Variants in ANKS1B observed in about 807,000 individuals in gnomAD.
The protein encoded by ANKS1B is ankyrin repeat and sterile alpha motif domain containing 1B, also known as ankyrin repeat and sterile alpha motif domain-containing protein 1B.
ANKS1B carries 36 observed loss-of-function variants against 148.3 expected under a neutral mutation model. The observed-to-expected ratio is 0.24, with a 90% CI of 0.19 to 0.32. ANKS1B has a LOEUF of 0.32. ANKS1B is among the 10% of genes least tolerant of loss of function. ANKS1B has a pLI of 1.00. For synonymous variants in ANKS1B, 542 were observed against 560.8 expected (o/e 0.97, Z 0.47); for missense variants, 1,157 against 1,542.6 (o/e 0.75, Z 4.19).
chr12:98,933,499 G>A (rs910965718), intron 17 of ANKS1B, among the ~76,000 whole-genome samples: 1 of 151,954 alleles, frequency 6.6e-6, no homozygotes, highest in South Asian at 2.1e-4. Flanking sequence ...TTCAATTTTG[G>A]TGGGGGATAC....
At chr12:98,886,946 C>T (rs111968964) in intron 17 of ANKS1B, among the ~76,000 whole-genome samples, 1,915 of 151,784 alleles carry the variant, frequency 0.013, 13 homozygotes, top group African/African-American at 0.024. Flanking sequence ...GGGTCTTTCT[C>T]GAAAAAAAGA....
intron 9 of ANKS1B, among the ~76,000 whole-genome samples, chr12:99,584,761 G>A (rs1421911851): frequency 6.6e-6 from 1 of 152,112 alleles, no homozygotes; most frequent in Non-Finnish European, 1.5e-5. Context: ...TGTGGCAGCA[G>A]GCAACAGAAC....
At chr12:98,792,673 A>G (rs2098890780) in intron 22 of ANKS1B, among the ~76,000 whole-genome samples, 2 of 152,140 alleles carry the variant, frequency 1.3e-5, no homozygotes, top group Admixed American at 6.5e-5. Flanking sequence ...TCAACTTTTT[A>G]GATTCCATGT....
intron 8 of ANKS1B, among the ~76,000 whole-genome samples, chr12:99,752,187 G>A (rs2153596370): frequency 6.6e-6 from 1 of 151,944 alleles, no homozygotes; most frequent in South Asian, 2.1e-4. Context: ...CATTTTCACT[G>A]ATTAAAATAT....
At chr12:98,781,411 G>A (rs777639426) in intron 23 of ANKS1B, 7 of 646,000 alleles carry the variant, frequency 1.1e-5, no homozygotes, top group Admixed American at 8.3e-5. Flanking sequence ...GCTATACTTC[G>A]GGCTTATAAA....
At chr12:99,918,144 G>C (rs754991869) in intron 1 of ANKS1B, among the ~76,000 whole-genome samples, 2 of 152,206 alleles carry the variant, frequency 1.3e-5, no homozygotes, top group African/African-American at 4.8e-5. Context: ...GTGCCAAAAA[G>C]GTTGGAACTG....
chr12:99,690,688 C>G (rs1045210618), intron 8 of ANKS1B, among the ~76,000 whole-genome samples: 1 of 152,220 alleles, frequency 6.6e-6, no homozygotes. Flanking sequence ...CAGCTCCACC[C>G]CTGTGGCTCT....
At chr12:98,915,765 C>T (rs966340747) in intron 17 of ANKS1B, among the ~76,000 whole-genome samples, 3 of 152,152 alleles carry the variant, frequency 2.0e-5, no homozygotes, top group Non-Finnish European at 4.4e-5. Flanking sequence ...GGTGAATAAA[C>T]AAGTGAATTA....
At chr12:99,398,380 C>T (rs2094311664) in intron 12 of ANKS1B, among the ~76,000 whole-genome samples, 2 of 152,086 alleles carry the variant, frequency 1.3e-5, no homozygotes, top group Non-Finnish European at 2.9e-5. Context: ...CACATACACT[C>T]ACTGTGAACA....
chr12:99,659,399 ACTATAAAAAAAAATAGACCTAAAT>A (rs2098465137), intron 8 of ANKS1B, among the ~76,000 whole-genome samples: 1 of 90,484 alleles, frequency 1.1e-5, no homozygotes, highest in Non-Finnish European at 2.0e-5. Flanking sequence ...TGAAAATTCT[ACTATAAAAAAAAATAGACCTAAAT>A]CTATACAGTT....
chr12:99,143,942 C>A (rs1171026913), intron 15 of ANKS1B, among the ~76,000 whole-genome samples: 1 of 152,030 alleles, frequency 6.6e-6, no homozygotes, highest in Non-Finnish European at 1.5e-5. Flanking sequence ...CCTATGGACT[C>A]AGATTGACCT....
intron 15 of ANKS1B, among the ~76,000 whole-genome samples, chr12:99,138,343 G>T (rs2068846675): frequency 1.3e-5 from 2 of 152,306 alleles, no homozygotes; most frequent in South Asian, 4.1e-4. Flanking sequence ...TATTCCAGAT[G>T]ATATGAAACT....
intron 9 of ANKS1B, among the ~76,000 whole-genome samples, chr12:99,629,905 T>C (rs1285789836): frequency 6.6e-6 from 1 of 152,152 alleles, no homozygotes; most frequent in African/African-American, 2.4e-5. Context: ...GTTATATGAC[T>C]GACAAAAGGT....
intron 17 of ANKS1B, among the ~76,000 whole-genome samples, chr12:98,862,225 G>C (rs1316302091): frequency 6.6e-6 from 1 of 152,140 alleles, no homozygotes. Context: ...TATTGTATAA[G>C]AGTACAGGCC....
intron 1 of ANKS1B, among the ~76,000 whole-genome samples, chr12:99,970,355 C>A (rs190225480): frequency 5.8e-4 from 88 of 152,150 alleles, no homozygotes; most frequent in Admixed American, 1.8e-3. Flanking sequence ...GTATGATATA[C>A]CCTTAAGTGA....
chr12:98,935,937 T>TA (rs952947103), intron 17 of ANKS1B, among the ~76,000 whole-genome samples: 4 of 152,194 alleles, frequency 2.6e-5, no homozygotes, highest in African/African-American at 9.6e-5. Flanking sequence ...TTATTGTGTA[T>TA]AAAAAAGTTA....
chr12:98,738,507 C>T (rs1316758898), intron 9 of ANKS1B, among the ~76,000 whole-genome samples: 2 of 152,144 alleles, frequency 1.3e-5, no homozygotes, highest in Admixed American at 6.5e-5. Flanking sequence ...AAATGTTTAT[C>T]GCCGCTCCAC....
In ANKS1B at chr12:99,984,322, C is replaced by G. The variant is rs1371116035; in HGVS notation, c.-85G>C. 7.4e-7 allele frequency: 1 copy of G among 1,345,836 alleles called. No individual in the cohort carries two copies. Among genetic ancestry groups the G allele is most frequent in the Non-Finnish European group, 1.0e-6 (1 of 998,422 alleles). The allele number at this position is 1,345,836 out of a possible 1,614,324, so 83.4% of individuals were successfully genotyped here. Reference sequence around the variant, plus strand: ...CCCCCACTCCCCAAAATCCAGGGCCCTCTTCGCCCCACCCTAAAATAATGC... The same window carrying G: ...CCCCCACTCCCCAAAATCCAGGGCCGTCTTCGCCCCACCCTAAAATAATGC... On this transcript the variant is annotated 5_prime_UTR_variant, in exon 1 of 27. Coordinates refer to ENST00000683438, the MANE Select transcript of ANKS1B (RefSeq NM_001352186.2).
chr12:98,861,737 G>A (rs2099600128), intron 17 of ANKS1B, among the ~76,000 whole-genome samples: 1 of 152,172 alleles, frequency 6.6e-6, no homozygotes. Context: ...CATGAACTCT[G>A]GTGATTACTA....
Sources: gnomAD v4.1 joint callset for allele counts (sites outside exome capture counted in the v4.1 genomes callset) on GRCh38, gnomAD v4.1.1 for gene constraint, MANE v1.5 for transcripts, NCBI Gene and HGNC (gene_info 2026-07-23, HGNC 2026-07-21) for gene names.